The following PDE1C variants were observed in gnomAD, a reference collection of about 807,000 sequenced individuals.
The protein encoded by PDE1C is phosphodiesterase 1C, also known as dual specificity calcium/calmodulin-dependent 3',5'-cyclic nucleotide phosphodiesterase 1C.
A neutral mutation model predicts 93.1 loss-of-function variants in PDE1C; 62 were observed. That is an observed-to-expected ratio of 0.67 (90% CI 0.54 to 0.82). The LOEUF (loss-of-function observed/expected upper bound fraction) is 0.82, where lower values mean the gene tolerates loss of function less well. PDE1C is among the 40% of genes least tolerant of loss of function. The pLI, the probability that PDE1C is intolerant of heterozygous loss-of-function variation, is 0.00. For missense variants in PDE1C, 742 were observed against 884.6 expected (o/e 0.84, Z 2.04); for synonymous variants, 325 against 310.1 (o/e 1.05, Z -0.50).
At chr7:31,908,079 T>C (rs1583904597) in intron 2 of PDE1C, among the ~76,000 whole-genome samples, 1 of 152,198 alleles carries the variant, frequency 6.6e-6, no homozygotes, top group Non-Finnish European at 1.5e-5. Context: ...TTCATTTAAA[T>C]GTTTTCAGTA....
At chr7:32,118,607 A>G (rs923655788) in intron 3 of PDE1C, among the ~76,000 whole-genome samples, 1 of 152,192 alleles carries the variant, frequency 6.6e-6, no homozygotes, top group South Asian at 2.1e-4. Context: ...GCCACAGAGC[A>G]TGGTGCTGGC....
At chr7:32,010,577 C>G (rs1047129849) in intron 2 of PDE1C, among the ~76,000 whole-genome samples, 1 of 152,198 alleles carries the variant, frequency 6.6e-6, no homozygotes, top group Admixed American at 6.5e-5. Flanking sequence ...CTCTGTGACA[C>G]TACATTAGTG....
intron 1 of PDE1C, among the ~76,000 whole-genome samples, chr7:32,348,440 C>T (rs215682): frequency 0.8 from 117,921 of 146,552 alleles, 47,522 homozygotes; most frequent in Admixed American, 0.86. Context: ...TCTTGGCTCA[C>T]TGCAAGCTCT....
At chr7:32,117,869 A>G (rs1799070836) in intron 3 of PDE1C, among the ~76,000 whole-genome samples, 1 of 152,218 alleles carries the variant, frequency 6.6e-6, no homozygotes, top group Non-Finnish European at 1.5e-5. Context: ...TGTTGTTGTG[A>G]ACTCATCAGC....
chr7:31,828,908 A>G (rs936649183), intron 11 of PDE1C, among the ~76,000 whole-genome samples: 1 of 152,192 alleles, frequency 6.6e-6, no homozygotes, highest in Non-Finnish European at 1.5e-5. Context: ...GTGGACCAAA[A>G]AGAGAATAAA....
chr7:31,695,630 C>G, the PDE1C span: 3 of 1,610,088 alleles, frequency 1.9e-6, no homozygotes, highest in South Asian at 3.3e-5. Flanking sequence ...AGGTAATGGA[C>G]AAAGTCATCT....
chr7:31,676,479 C>G, the PDE1C span, among the ~76,000 whole-genome samples: 1 of 151,926 alleles, frequency 6.6e-6, no homozygotes, highest in Admixed American at 6.6e-5. Context: ...AAATACTAAA[C>G]AAAATTGCAG....
At chr7:31,829,227 G>A (rs897249020) in intron 11 of PDE1C, among the ~76,000 whole-genome samples, 2 of 152,086 alleles carry the variant, frequency 1.3e-5, no homozygotes, top group Non-Finnish European at 2.9e-5. Context: ...TCACAGGTAA[G>A]TTATTTTCCT....
At chr7:32,295,788 G>A (rs1001792170) in intron 1 of PDE1C, among the ~76,000 whole-genome samples, 5 of 151,566 alleles carry the variant, frequency 3.3e-5, no homozygotes, top group East Asian at 1.9e-4. Flanking sequence ...CAGCTACTCC[G>A]GAGGCTGAGG....
intron 2 of PDE1C, among the ~76,000 whole-genome samples, chr7:32,036,397 C>T (rs570825533): frequency 6.6e-6 from 1 of 152,072 alleles, no homozygotes; most frequent in African/African-American, 2.4e-5. Context: ...AAATCAATGC[C>T]CTACGTTTCA....
intron 1 of PDE1C, among the ~76,000 whole-genome samples, chr7:32,387,290 G>C (rs987979970): frequency 6.6e-6 from 1 of 151,950 alleles, no homozygotes; most frequent in African/African-American, 2.4e-5. Context: ...ACACAGACCC[G>C]GCAACCATCC....
intron 3 of PDE1C, among the ~76,000 whole-genome samples, chr7:32,140,776 G>A (rs1800476739): frequency 6.6e-6 from 1 of 152,226 alleles, no homozygotes; most frequent in Admixed American, 6.5e-5. Context: ...CACAGAGGCT[G>A]GTGCCTCAGC....
chr7:32,166,249 G>C (rs111796489), intron 3 of PDE1C, among the ~76,000 whole-genome samples: 28 of 152,204 alleles, frequency 1.8e-4, no homozygotes, highest in Non-Finnish European at 3.1e-4. Context: ...GAAGTAATTC[G>C]CCGGGGGCAA....
At chr7:32,175,535 G>A (rs1802927803) in intron 2 of PDE1C, among the ~76,000 whole-genome samples, 1 of 152,174 alleles carries the variant, frequency 6.6e-6, no homozygotes, top group Non-Finnish European at 1.5e-5. Flanking sequence ...GTTGCTAAAG[G>A]TTGGGGTAGC....
the PDE1C span, among the ~76,000 whole-genome samples, chr7:31,655,159 T>C: frequency 6.6e-6 from 1 of 152,258 alleles, no homozygotes; most frequent in Admixed American, 6.5e-5. Context: ...GCTGTATGTC[T>C]CACTCTTGGC....
At chr7:32,197,631 G>T (rs1804711379) in intron 2 of PDE1C, among the ~76,000 whole-genome samples, 3 of 152,288 alleles carry the variant, frequency 2.0e-5, no homozygotes, top group South Asian at 4.1e-4. Context: ...GGAATGATTT[G>T]CTTACACATG....
intron 17 of PDE1C, among the ~76,000 whole-genome samples, chr7:31,758,147 TG>T (rs1297926730): frequency 1.3e-5 from 2 of 151,946 alleles, no homozygotes; most frequent in Non-Finnish European, 2.9e-5. Context: ...GGGCCTGTCA[TG>T]GGGTGGGGGG....
At chr7:31,624,673 A>T in the PDE1C span, among the ~76,000 whole-genome samples, 4 of 150,534 alleles carry the variant, frequency 2.7e-5, no homozygotes, top group Non-Finnish European at 4.5e-5. Context: ...AAAACCCTAG[A>T]AGAAAACCTA....
chr7:31,684,316 G>C, the PDE1C span, among the ~76,000 whole-genome samples: 1 of 152,144 alleles, frequency 6.6e-6, no homozygotes, highest in Non-Finnish European at 1.5e-5. Context: ...AAAAGGATTT[G>C]TTAAAATCTA....
Sources: gnomAD v4.1 joint callset for allele counts (sites outside exome capture counted in the v4.1 genomes callset) on GRCh38, gnomAD v4.1.1 for gene constraint, MANE v1.5 for transcripts, NCBI Gene and HGNC (gene_info 2026-07-23, HGNC 2026-07-21) for gene names.